CDH13: variants seen among roughly 807,000 people sequenced by gnomAD.
CDH13 encodes the protein cadherin-13.
In CDH13, 24 loss-of-function variants were observed where a neutral mutation model predicts 63.8. That is an observed-to-expected ratio of 0.38 (90% confidence interval 0.27 to 0.53). CDH13 has a LOEUF of 0.53. Among genes scored for constraint, CDH13 ranks in the 20% least tolerant of loss-of-function variants. The pLI, the probability that CDH13 is intolerant of heterozygous loss-of-function variation, is 0.85. For synonymous variants in CDH13, 503 were observed against 355.3 expected, an observed-to-expected ratio of 1.42 and a Z score of -4.67; for missense variants, 1,049 against 903.1, an observed-to-expected ratio of 1.16 and a Z score of -2.07.
intron 5 of CDH13, among the ~76,000 whole-genome samples, chr16:83,260,117 C>G (rs1906794161): frequency 1.3e-5 from 2 of 148,878 alleles, no homozygotes; most frequent in South Asian, 4.2e-4. Flanking sequence ...CACACACACA[C>G]ACACACACAC....
At chr16:83,785,036 G>T (rs575475160) in intron 13 of CDH13, among the ~76,000 whole-genome samples, 1 of 152,302 alleles carries the variant, frequency 6.6e-6, no homozygotes, top group Admixed American at 6.5e-5. Flanking sequence ...TCAGATGAAG[G>T]GTTAGAGATG....
rs1324899221 is a variant in CDH13 at position 83,796,810 on chromosome 16, A to C, written c.*1780A>C. Reference sequence around the variant, plus strand: ...CCTCATGATATGATCTGAGGGTGTCATAATCAGCTATAAAGGTAATTGCAT... The same window carrying C: ...CCTCATGATATGATCTGAGGGTGTCCTAATCAGCTATAAAGGTAATTGCAT... On this transcript the variant is annotated 3_prime_UTR_variant, in exon 14 of 14. Transcript: ENST00000567109. The C allele has an allele frequency of 2.6e-5, 4 of 152,214 alleles. No individual in the cohort carries two copies. Among genetic ancestry groups the C allele is most frequent in the African/African-American group, 7.2e-5 (3 of 41,458 alleles). 9.4% of individuals were successfully genotyped at this position (152,214 alleles called of 1,614,324 possible).
intron 1 of CDH13, among the ~76,000 whole-genome samples, chr16:82,685,914 G>C (rs1177896657): frequency 1.3e-5 from 2 of 152,146 alleles, no homozygotes; most frequent in Non-Finnish European, 2.9e-5. Context: ...CTTTAGGAAT[G>C]GCCGCCACCC....
intron 6 of CDH13, among the ~76,000 whole-genome samples, chr16:83,452,842 T>C (rs1444850961): frequency 6.6e-6 from 1 of 152,184 alleles, no homozygotes; most frequent in East Asian, 1.9e-4. Flanking sequence ...AGAAATCTCT[T>C]TCTCATATTA....
intron 4 of CDH13, among the ~76,000 whole-genome samples, chr16:83,169,273 T>G (rs1597456581): frequency 6.6e-6 from 1 of 151,620 alleles, no homozygotes; most frequent in Non-Finnish European, 1.5e-5. Context: ...ACCTCCTGGG[T>G]TCAAGCGATT....
rs142936894 is a variant in CDH13 at position 83,121,013 on chromosome 16, C to T, written c.367-4372C>T. Among the ~76,000 whole-genome samples, 565 of 152,232 alleles carry T rather than the reference C, an allele frequency of 3.7e-3. 11 individuals are homozygous for T. In the East Asian group the frequency reaches 0.049, roughly 13 times the overall value. On this transcript the variant is annotated intron_variant, in intron 3 of 13. Transcript: ENST00000567109. ...TCCTGACCTCGTGATCCTCCCGCCT[C>T]GGCCTCCCAAAGTGCTGGGATTACA...
At chr16:83,423,452 T>C (rs553350563) in intron 6 of CDH13, among the ~76,000 whole-genome samples, 1 of 152,126 alleles carries the variant, frequency 6.6e-6, no homozygotes, top group East Asian at 1.9e-4. Flanking sequence ...TGATCTCGCA[T>C]CTTTTAAACT....
At chr16:83,430,951 A>T (rs368369843) in intron 6 of CDH13, among the ~76,000 whole-genome samples, 2 of 148,246 alleles carry the variant, frequency 1.3e-5, no homozygotes, top group East Asian at 2.1e-4. Flanking sequence ...ATATCTCCCA[A>T]TGCCATCCCT....
chr16:83,462,543 G>T (rs1015491943), intron 6 of CDH13, among the ~76,000 whole-genome samples: 1 of 152,160 alleles, frequency 6.6e-6, no homozygotes, highest in African/African-American at 2.4e-5. Context: ...TTGAGGTCAG[G>T]AGTTTGAGAC....
At chr16:82,808,181 T>C (rs1479257316) in intron 1 of CDH13, among the ~76,000 whole-genome samples, 5 of 152,162 alleles carry the variant, frequency 3.3e-5, no homozygotes, top group African/African-American at 1.2e-4. Flanking sequence ...AGGGGATAAT[T>C]CTAAAAATCC....
chr16:83,306,570 C>T (rs922715452), intron 5 of CDH13, among the ~76,000 whole-genome samples: 6 of 152,120 alleles, frequency 3.9e-5, no homozygotes, highest in South Asian at 2.1e-4. Flanking sequence ...AAGTCAGCGC[C>T]GAATCCTTGA....
chr16:83,722,719 A>G (rs989972375), intron 10 of CDH13, among the ~76,000 whole-genome samples: 1 of 152,214 alleles, frequency 6.6e-6, no homozygotes, highest in African/African-American at 2.4e-5. Flanking sequence ...TGTCCAGCAG[A>G]GTCACCACGT....
chr16:82,636,520 T>C (rs1245428820), intron 1 of CDH13, among the ~76,000 whole-genome samples: 1 of 152,210 alleles, frequency 6.6e-6, no homozygotes, highest in African/African-American at 2.4e-5. Context: ...TTTAATCGTT[T>C]CTTGAACATT....
At chr16:82,852,376 T>C (rs1475226215) in intron 1 of CDH13, among the ~76,000 whole-genome samples, 6 of 152,218 alleles carry the variant, frequency 3.9e-5, no homozygotes, top group Non-Finnish European at 8.8e-5. Flanking sequence ...CCCGAGTAAC[T>C]GTCTTCTGTG....
intron 3 of CDH13, among the ~76,000 whole-genome samples, chr16:83,051,509 G>C (rs1000953442): frequency 1.3e-5 from 2 of 152,156 alleles, no homozygotes; most frequent in Non-Finnish European, 2.9e-5. Flanking sequence ...CTTTCTTTGA[G>C]ATCTGTAATT....
intron 10 of CDH13, among the ~76,000 whole-genome samples, chr16:83,697,027 A>G (rs1045467086): frequency 1.3e-5 from 2 of 152,090 alleles, no homozygotes; most frequent in East Asian, 1.9e-4. Context: ...TCTTCCTCAA[A>G]CTTCTTTCCC....
intron 8 of CDH13, among the ~76,000 whole-genome samples, chr16:83,605,544 G>A (rs572962418): frequency 5.9e-5 from 9 of 152,252 alleles, no homozygotes; most frequent in East Asian, 5.8e-4. Context: ...CGGGCTGATC[G>A]CAGAGCCCAC....
At chr16:83,214,801 G>T (rs2039448388) in intron 4 of CDH13, among the ~76,000 whole-genome samples, 1 of 151,964 alleles carries the variant, frequency 6.6e-6, no homozygotes, top group Non-Finnish European at 1.5e-5. Context: ...GGTGTCATCT[G>T]CACTTTAAAG....
chr16:83,684,367 C>T (rs796557904), intron 10 of CDH13, among the ~76,000 whole-genome samples: 1 of 151,588 alleles, frequency 6.6e-6, no homozygotes, highest in South Asian at 2.1e-4. Context: ...TAAAGCGTGA[C>T]TCCATCACAA....
Sources: allele counts gnomAD v4.1 joint callset (sites outside exome capture counted in the v4.1 genomes callset), GRCh38; gene constraint gnomAD v4.1.1; transcripts MANE v1.5; gene names NCBI Gene and HGNC (gene_info 2026-07-23, HGNC 2026-07-21).